AKAP13: variants seen among roughly 807,000 people sequenced by gnomAD.
AKAP13 encodes A-kinase anchoring protein 13.
Under a neutral mutation model 264.5 loss-of-function variants are expected in AKAP13, and 80 were observed. That is an observed-to-expected ratio of 0.30 (90% CI 0.25 to 0.36). The LOEUF is 0.36. Among genes scored for constraint, AKAP13 ranks in the 10% least tolerant of loss-of-function variants. The pLI is 1.00. For missense variants in AKAP13, 3,712 were observed against 3,435.2 expected (o/e 1.08, Z -2.01); for synonymous variants, 1,380 against 1,250.2 (o/e 1.10, Z -2.19).
At chr15:85,560,350 T>C (rs2078325936) in intron 5 of AKAP13, among the ~76,000 whole-genome samples, 1 of 151,960 alleles carries the variant, frequency 6.6e-6, no homozygotes, top group Admixed American at 6.6e-5. Flanking sequence ...TCTCCCTGTT[T>C]TGCCCAGCCT....
At chr15:85,555,604 G>A (rs1405501273) in intron 5 of AKAP13, 1 of 649,896 alleles carries the variant, frequency 1.5e-6, no homozygotes, top group African/African-American at 1.9e-5. Flanking sequence ...CTTCCCTGAA[G>A]GACTTGTGTT....
Position 85,747,618 on chromosome 15 carries a change from T to C in AKAP13, c.*2941T>C, listed in dbSNP as rs924741724. On this transcript the variant is annotated 3_prime_UTR_variant, in exon 37 of 37. Coordinates refer to ENST00000394518, the MANE Select transcript of AKAP13 (RefSeq NM_007200.5). ...TCTCAGTCGTTGTCGTTAGGTGACA[T>C]GTGCACTTTAAATGCTCTCATCGGT... 1.3e-5 allele frequency: 2 copies of C among 152,608 alleles called. No individual in the cohort carries two copies. The highest frequency in any genetic ancestry group is 6.5e-5 in the Admixed American group (1 of 15,280). 9.5% of individuals were successfully genotyped at this position (152,608 alleles called of 1,614,324 possible).
chr15:85,592,724 T>C (rs1422931797), intron 8 of AKAP13, among the ~76,000 whole-genome samples: 2 of 152,226 alleles, frequency 1.3e-5, no homozygotes, highest in Non-Finnish European at 2.9e-5. Flanking sequence ...GTATCTCCTC[T>C]GAAATGGAGA....
At chr15:85,613,271 A>G (rs1167021732) in intron 8 of AKAP13, among the ~76,000 whole-genome samples, 3 of 152,208 alleles carry the variant, frequency 2.0e-5, no homozygotes, top group East Asian at 1.9e-4. Flanking sequence ...TACATTTAGT[A>G]TGTATTAATT....
intron 5 of AKAP13, among the ~76,000 whole-genome samples, chr15:85,560,953 A>G (rs1049153687): frequency 3.3e-5 from 5 of 152,090 alleles, no homozygotes; most frequent in Non-Finnish European, 5.9e-5. Flanking sequence ...TTGGCTGCAC[A>G]TTAAAGTCTC....
At chr15:85,442,774 T>TA (rs1374884455) in intron 1 of AKAP13, among the ~76,000 whole-genome samples, 13 of 151,702 alleles carry the variant, frequency 8.6e-5, no homozygotes, top group Admixed American at 8.5e-4. Flanking sequence ...CTGGACCACT[T>TA]AGTTTCTTGG....
intron 1 of AKAP13, among the ~76,000 whole-genome samples, chr15:85,393,127 G>C (rs1209745780): frequency 6.6e-6 from 1 of 152,160 alleles, no homozygotes; most frequent in African/African-American, 2.4e-5. Flanking sequence ...GGAGAAGGGA[G>C]GTCCGTTGTG....
At chr15:85,412,023 T>C (rs375493631) in intron 1 of AKAP13, among the ~76,000 whole-genome samples, 1 of 152,244 alleles carries the variant, frequency 6.6e-6, no homozygotes, top group African/African-American at 2.4e-5. Flanking sequence ...ATTTTTGATA[T>C]TGTATAATGA....
intron 8 of AKAP13, among the ~76,000 whole-genome samples, chr15:85,636,679 A>G (rs2082084821): frequency 6.6e-6 from 1 of 151,958 alleles, no homozygotes; most frequent in African/African-American, 2.4e-5. Context: ...CAGTGGCACA[A>G]TCACGGCTCG....
Position 85,735,038 on chromosome 15 carries a change from T to G in AKAP13, c.7329T>G (p.Leu2443=). ...TGAGTGGAAATCTGGGAGGCACACT[T>G]GGGCCGACTGTCAGCAGCCCCATTG... The part of the protein sequence containing the change: ...GLVSGNLGGT[L]GPTVSSPIEQ... The change falls in exon 31 of 37, where the codon CTT becomes CTG. Residue 2443 remains leucine, a synonymous_variant. Transcript: ENST00000394518. 6.2e-7 allele frequency: 1 copy of G among 1,614,226 alleles called. No homozygotes were observed. The highest frequency in any genetic ancestry group is 8.5e-7 in the Non-Finnish European group (1 of 1,180,028).
chr15:85,686,145 C>CTGTGTGTGTGTG (rs36166313), intron 16 of AKAP13, among the ~76,000 whole-genome samples: 1 of 149,442 alleles, frequency 6.7e-6, no homozygotes, highest in African/African-American at 2.5e-5. Context: ...CAAGGAATCA[C>CTGTGTGTGTGTG]TGTGTGTGTG....
intron 8 of AKAP13, among the ~76,000 whole-genome samples, chr15:85,634,826 T>A (rs1051526672): frequency 5.4e-5 from 8 of 147,584 alleles, no homozygotes; most frequent in African/African-American, 2.0e-4. Flanking sequence ...CAATACATAG[T>A]CTTTTGAGTC....
At chr15:85,453,453 G>A (rs978307359) in intron 1 of AKAP13, among the ~76,000 whole-genome samples, 5 of 152,236 alleles carry the variant, frequency 3.3e-5, no homozygotes, top group African/African-American at 1.2e-4. Context: ...GGTGTTACCA[G>A]TGAAGACTGT....
intron 1 of AKAP13, among the ~76,000 whole-genome samples, chr15:85,448,277 C>T (rs554285853): frequency 6.6e-6 from 1 of 152,222 alleles, no homozygotes; most frequent in South Asian, 2.1e-4. Flanking sequence ...AGACCTTTGT[C>T]ACATGCATAG....
chr15:85,396,476 T>TTC (rs1289860236), intron 1 of AKAP13, among the ~76,000 whole-genome samples: 2 of 152,350 alleles, frequency 1.3e-5, no homozygotes, highest in Middle Eastern at 3.4e-3. Flanking sequence ...GATTTTGCTA[T>TTC]TCTCTACATG....
intron 2 of AKAP13, among the ~76,000 whole-genome samples, chr15:85,519,751 G>C (rs1174648431): frequency 6.6e-6 from 1 of 152,158 alleles, no homozygotes; most frequent in Non-Finnish European, 1.5e-5. Context: ...GGACCCACTG[G>C]AGCATTGTTT....
intron 1 of AKAP13, among the ~76,000 whole-genome samples, chr15:85,399,502 C>CAAAAAAAAAAAAAAAAAA (rs71138392): frequency 3.9e-5 from 3 of 77,072 alleles, no homozygotes; most frequent in African/African-American, 6.0e-5. Flanking sequence ...GACTCCGTCT[C>CAAAAAAAAAAAAAAAAAA]AAAAAAAAAA....
chr15:85,403,256 G>C (rs573140027), intron 1 of AKAP13, among the ~76,000 whole-genome samples: 1 of 152,226 alleles, frequency 6.6e-6, no homozygotes, highest in Non-Finnish European at 1.5e-5. Context: ...AACATACAGA[G>C]ATTAGATTGT....
chr15:85,710,604 A>C lies in AKAP13; in HGVS notation c.5558A>C (p.His1853Pro). Residue 1853 changes from histidine to proline, a missense_variant, in exon 19 of 37, where the codon CAT (histidine) becomes CCT (proline). By Grantham distance (77) the His-to-Pro change is moderately conservative (BLOSUM62 -2). This residue lies in a region of AKAP13 where 2,759 missense variants were observed against 2,411.7 expected (regional missense o/e 1.14). Transcript: ENST00000394518. ...MKQPKGSLQA[H>P]DTSSLPTVIM... ...CAGCCCAAAGGGAGCCTTCAGGCAC[A>C]TGACACATCATCACTGCCCACGGTC... is the stretch of plus-strand genomic sequence containing the variant. The C allele has an allele frequency of 6.2e-7, 1 of 1,614,090 alleles. No homozygotes were observed. Among genetic ancestry groups the C allele is most frequent in the South Asian group, 1.1e-5 (1 of 91,070 alleles).
Sources: gnomAD v4.1 joint callset for allele counts (sites outside exome capture counted in the v4.1 genomes callset) on GRCh38, gnomAD v4.1.1 for gene constraint, gnomAD v4.1.1 regional missense constraint, MANE v1.5 for transcripts, NCBI Gene and HGNC (gene_info 2026-07-23, HGNC 2026-07-21) for gene names.